The following DRD2 variants were observed in gnomAD, a reference collection of about 807,000 sequenced individuals.
The protein encoded by DRD2 is D(2) dopamine receptor.
In DRD2, 8 loss-of-function variants were observed where a neutral mutation model predicts 38.0. That is an observed-to-expected ratio of 0.21 (90% CI 0.12 to 0.38). The LOEUF (loss-of-function observed/expected upper bound fraction) is 0.38, where lower values mean the gene tolerates loss of function less well. Among genes scored for constraint, DRD2 ranks in the 10% least tolerant of loss-of-function variants. The probability of loss-of-function intolerance (pLI) is 1.00; values close to 1 mark genes in which losing one functional copy is unlikely to be tolerated. For synonymous variants in DRD2, 230 were observed against 238.6 expected (o/e 0.96, Z 0.33); for missense variants, 403 against 607.7 (o/e 0.66, Z 3.54).
At chr11:113,439,292 T>C (rs1403845185) in intron 1 of DRD2, among the ~76,000 whole-genome samples, 1 of 152,200 alleles carries the variant, frequency 6.6e-6, no homozygotes, top group Non-Finnish European at 1.5e-5. Flanking sequence ...ATGTTTGTTA[T>C]GCTGGAGGAA....
chr11:113,443,448 T>C (rs1216845951), intron 1 of DRD2, among the ~76,000 whole-genome samples: 2 of 152,230 alleles, frequency 1.3e-5, no homozygotes, highest in Non-Finnish European at 2.9e-5. Context: ...CAAGGACAAC[T>C]AACTTGAGAG....
intron 1 of DRD2, among the ~76,000 whole-genome samples, chr11:113,472,832 G>A (rs1242302339): frequency 6.6e-6 from 1 of 152,194 alleles, no homozygotes; most frequent in African/African-American, 2.4e-5. Flanking sequence ...GGGACAGTTA[G>A]TATTTACATA....
chr11:113,442,829 C>T (rs561320477), intron 1 of DRD2, among the ~76,000 whole-genome samples: 7 of 152,302 alleles, frequency 4.6e-5, no homozygotes, highest in African/African-American at 1.4e-4. Flanking sequence ...TGGACTCTAC[C>T]GCATGCATCA....
At chr11:113,431,601 C>A (rs1035741495) in intron 1 of DRD2, among the ~76,000 whole-genome samples, 1 of 152,218 alleles carries the variant, frequency 6.6e-6, no homozygotes, top group Non-Finnish European at 1.5e-5. Flanking sequence ...AGGACCCCTG[C>A]CTGTCAAGTT....
intron 1 of DRD2, chr11:113,425,106 T>C (rs1471835672): frequency 9.8e-6 from 2 of 203,700 alleles, no homozygotes; most frequent in Non-Finnish European, 2.0e-5. Context: ...TCTAGAAATA[T>C]AGGCAGGAAC....
chr11:113,464,485 C>G (rs1354989764), intron 1 of DRD2, among the ~76,000 whole-genome samples: 1 of 152,204 alleles, frequency 6.6e-6, no homozygotes, highest in Non-Finnish European at 1.5e-5. Flanking sequence ...TTGGCACTAG[C>G]TCACTGTCTT....
In DRD2 at chr11:113,410,723, A is replaced by G; in HGVS notation, c.*4T>C. On this transcript the variant is annotated 3_prime_UTR_variant, in exon 8 of 8. Coordinates refer to ENST00000362072, the MANE Select transcript of DRD2 (RefSeq NM_000795.4). Reference sequence around the variant, plus strand: ...GCAGGCTGCTGTGCGGGCAGGCAGCAGAGTCAGCAGTGGAGGATCTTCAGG... The same window carrying G: ...GCAGGCTGCTGTGCGGGCAGGCAGCGGAGTCAGCAGTGGAGGATCTTCAGG... 6.2e-7 allele frequency: 1 copy of G among 1,614,180 alleles called. No homozygotes were observed. Among genetic ancestry groups the G allele is most frequent in the Non-Finnish European group, 8.5e-7 (1 of 1,180,024 alleles).
intron 7 of DRD2, among the ~76,000 whole-genome samples, chr11:113,411,286 T>G (rs1450918782): frequency 2.6e-5 from 4 of 152,166 alleles, no homozygotes; most frequent in Non-Finnish European, 4.4e-5. Context: ...CACTTAGTTC[T>G]TATAGCATCC....
At chr11:113,437,371 G>C (rs905452320) in intron 1 of DRD2, among the ~76,000 whole-genome samples, 1 of 152,120 alleles carries the variant, frequency 6.6e-6, no homozygotes. Flanking sequence ...CATCTACACG[G>C]TTCCTTCATG....
At chr11:113,443,280 A>G (rs927531776) in intron 1 of DRD2, among the ~76,000 whole-genome samples, 1 of 151,926 alleles carries the variant, frequency 6.6e-6, no homozygotes, top group African/African-American at 2.4e-5. Context: ...TTCCTCTTCA[A>G]TTTCATAGTA....
chr11:113,428,611 G>T (rs865879751), intron 1 of DRD2, among the ~76,000 whole-genome samples: 3 of 152,136 alleles, frequency 2.0e-5, no homozygotes, highest in African/African-American at 4.8e-5. Flanking sequence ...GAGGAGGGAG[G>T]ATGTAAACTG....
chr11:113,473,846 C>T (rs904123293), intron 1 of DRD2, among the ~76,000 whole-genome samples: 1 of 152,202 alleles, frequency 6.6e-6, no homozygotes, highest in African/African-American at 2.4e-5. Flanking sequence ...GGTCCTAATG[C>T]TGCAGGATGA....
intron 1 of DRD2, among the ~76,000 whole-genome samples, chr11:113,463,801 A>G (rs1194802289): frequency 6.6e-6 from 1 of 152,218 alleles, no homozygotes; most frequent in African/African-American, 2.4e-5. Context: ...ACATAACTCA[A>G]TACTGTATGC....
chr11:113,455,366 A>T (rs1951259605), intron 1 of DRD2, among the ~76,000 whole-genome samples: 1 of 152,134 alleles, frequency 6.6e-6, no homozygotes, highest in South Asian at 2.1e-4. Context: ...CATCTCAAAA[A>T]AATAATAATA....
chr11:113,470,191 T>C (rs767639028), intron 1 of DRD2, among the ~76,000 whole-genome samples: 2 of 152,172 alleles, frequency 1.3e-5, no homozygotes, highest in Non-Finnish European at 2.9e-5. Context: ...AATAATTTCA[T>C]TTCTAATGTC....
chr11:113,448,306 C>T (rs1340033326), intron 1 of DRD2, among the ~76,000 whole-genome samples: 1 of 152,188 alleles, frequency 6.6e-6, no homozygotes, highest in Non-Finnish European at 1.5e-5. Context: ...GCAGCCGCTC[C>T]TTGGAAGGAA....
intron 1 of DRD2, among the ~76,000 whole-genome samples, chr11:113,471,288 A>G (rs1951422542): frequency 6.6e-6 from 1 of 152,242 alleles, no homozygotes; most frequent in Admixed American, 6.5e-5. Context: ...GCAAAAGTAT[A>G]TTAATATTAG....
intron 3 of DRD2, among the ~76,000 whole-genome samples, chr11:113,417,523 G>C (rs1271349210): frequency 6.6e-6 from 1 of 152,082 alleles, no homozygotes; most frequent in African/African-American, 2.4e-5. Context: ...GGGAGGTAGG[G>C]TCATATCTGT....
At chr11:113,462,848 G>A (rs1270631590) in intron 1 of DRD2, among the ~76,000 whole-genome samples, 5 of 152,202 alleles carry the variant, frequency 3.3e-5, no homozygotes, top group Non-Finnish European at 7.3e-5. Flanking sequence ...AGTATTTATT[G>A]GCATCCTACT....
Sources: allele counts gnomAD v4.1 joint callset (sites outside exome capture counted in the v4.1 genomes callset), GRCh38; gene constraint gnomAD v4.1.1; transcripts MANE v1.5; gene names NCBI Gene and HGNC (gene_info 2026-07-23, HGNC 2026-07-21).